The following VCAN variants were observed in gnomAD, a reference collection of about 807,000 sequenced individuals.
The protein encoded by VCAN is versican.
In VCAN, 44 loss-of-function variants were observed where a neutral mutation model predicts 245.5. The ratio of observed to expected loss-of-function variants is 0.18; its 90% CI spans 0.14 to 0.23. The LOEUF (loss-of-function observed/expected upper bound fraction) is 0.23, where lower values mean the gene tolerates loss of function less well. VCAN is among the 10% of genes least tolerant of loss of function. The pLI, the probability that VCAN is intolerant of heterozygous loss-of-function variation, is 1.00. For missense variants in VCAN, 3,793 were observed against 4,057.9 expected (o/e 0.93, Z 1.77); for synonymous variants, 1,413 against 1,437.0 (o/e 0.98, Z 0.38).
chr5:83,511,458 C>T (rs1405106482), intron 5 of VCAN, among the ~76,000 whole-genome samples: 6 of 152,064 alleles, frequency 3.9e-5, no homozygotes, highest in East Asian at 1.9e-4. Context: ...CTGTGCAGGC[C>T]GCGACCTTCG....
Position 83,476,683 on chromosome 5 carries a change from T to G in VCAN, c.-7+4660T>G, listed in dbSNP as rs577825134. Among the ~76,000 whole-genome samples the G allele has an allele frequency of 5.3e-4, 81 of 151,754 alleles. 1 individual carries two copies. In the South Asian group the frequency reaches 6.2e-3, roughly 12 times the overall value. On this transcript the variant is annotated intron_variant, in intron 1 of 14. Transcript: ENST00000265077. Reference sequence around the variant, plus strand: ...CATATATATAAAGTCTGTGTGTGTGTGGGGGGTGCGTGTGTGTGTGTATGT... The same window carrying G: ...CATATATATAAAGTCTGTGTGTGTGGGGGGGGTGCGTGTGTGTGTGTATGT...
At chr5:83,485,710 G>T (rs373799027) in intron 2 of VCAN, among the ~76,000 whole-genome samples, 13 of 152,230 alleles carry the variant, frequency 8.5e-5, no homozygotes, top group Middle Eastern at 6.8e-3. Context: ...GATGGGGTGT[G>T]TAGTGAGGAC....
At position 83,553,542 on chromosome 5, in the gene VCAN, G is replaced by A. The variant is rs77559437; in HGVS notation, c.9652+20G>A. On this transcript the variant is annotated intron_variant, in intron 11 of 14. Transcript: ENST00000265077. ...TTAATCGTATGTACCAAATAGATAC[G>A]AGTTTCCAGGAACTTCACTTCTCAT... 7 of 1,613,624 alleles carry A rather than the reference G, an allele frequency of 4.3e-6. No individual in the cohort carries two copies. The highest frequency in any genetic ancestry group is 4.5e-5 in the East Asian group (2 of 44,814).
At chr5:83,512,634 C>G (rs1745704492) in intron 6 of VCAN, 1 of 534,888 alleles carries the variant, frequency 1.9e-6, no homozygotes, top group Non-Finnish European at 3.3e-6. Flanking sequence ...TAAGCTGTAA[C>G]TGTGCTCTGT....
At chr5:83,485,461 G>A (rs1029131215) in intron 2 of VCAN, among the ~76,000 whole-genome samples, 1 of 152,032 alleles carries the variant, frequency 6.6e-6, no homozygotes, top group South Asian at 2.1e-4. Context: ...AGTATTGAAG[G>A]GTTTCAGCAA....
intron 13 of VCAN, among the ~76,000 whole-genome samples, chr5:83,574,773 A>G (rs1748413029): frequency 6.6e-6 from 1 of 152,180 alleles, no homozygotes; most frequent in Non-Finnish European, 1.5e-5. Context: ...TGCCATCCTT[A>G]TATCTGTAGT....
intron 12 of VCAN, among the ~76,000 whole-genome samples, chr5:83,562,837 C>G (rs1376849092): frequency 7.0e-6 from 1 of 142,868 alleles, no homozygotes; most frequent in Non-Finnish European, 1.6e-5. Flanking sequence ...GGCCCCCTCT[C>G]TCACAGTGGT....
chr5:83,535,424 AAGGGATAAATGTATATGTCTTTGCAT>A (rs1158542444), intron 7 of VCAN, among the ~76,000 whole-genome samples: 5 of 152,252 alleles, frequency 3.3e-5, no homozygotes, highest in Admixed American at 6.5e-5. Flanking sequence ...ATTAGAATAA[AAGGGATAAATGTATATGTCTTTGCAT>A]TACATAAAAG....
intron 7 of VCAN, among the ~76,000 whole-genome samples, chr5:83,529,873 T>TA (rs1229197810): frequency 3.9e-5 from 6 of 152,156 alleles, no homozygotes; most frequent in Admixed American, 1.3e-4. Context: ...CTGTGGGCTT[T>TA]AAAAATTATT....
chr5:83,564,825 G>A (rs1474404971), intron 12 of VCAN, among the ~76,000 whole-genome samples: 1 of 151,974 alleles, frequency 6.6e-6, no homozygotes, highest in Non-Finnish European at 1.5e-5. Flanking sequence ...TTAAAATAAT[G>A]TATTGTGAAT....
In VCAN at chr5:83,522,100, A is replaced by G. The variant is rs1410194024; in HGVS notation, c.3794A>G (p.Asp1265Gly). 5 of 1,614,064 alleles carry G rather than the reference A, an allele frequency of 3.1e-6. No individual in the cohort carries two copies. In the African/African-American group the frequency reaches 4.0e-5, roughly 13 times the overall value. Reference sequence around the variant, plus strand: ...CATGTTCCTCCCACTACCCTTGAAGATATTGTAGCCAAGGAAACAGAAACC... The same window carrying G: ...CATGTTCCTCCCACTACCCTTGAAGGTATTGTAGCCAAGGAAACAGAAACC... ...TSHVPPTTLE[D>G]IVAKETETDI... The change falls in exon 7 of 15, where the codon GAT becomes GGT. Residue 1265 changes from aspartate to glycine, a missense_variant. Physicochemically the swap from Asp to Gly is moderately conservative, Grantham distance 94. Transcript: ENST00000265077.
At chr5:83,579,332 C>T (rs573483009) in intron 13 of VCAN, among the ~76,000 whole-genome samples, 10 of 152,216 alleles carry the variant, frequency 6.6e-5, no homozygotes, top group African/African-American at 1.2e-4. Flanking sequence ...GGTGCAATCT[C>T]GGCTCACTGC....
At chr5:83,500,360 G>A (rs1488153574) in intron 5 of VCAN, among the ~76,000 whole-genome samples, 1 of 152,134 alleles carries the variant, frequency 6.6e-6, no homozygotes, top group African/African-American at 2.4e-5. Flanking sequence ...TTGCTTCTGT[G>A]TACAGTGTTT....
Position 83,539,494 on chromosome 5 carries a change from A to T in VCAN, c.6491A>T (p.Tyr2164Phe), listed in dbSNP as rs766665367. Residue 2164 changes from tyrosine to phenylalanine, a missense_variant, in exon 8 of 15, where the codon TAC (tyrosine) becomes TTC (phenylalanine). Coordinates refer to ENST00000265077, the MANE Select transcript of VCAN (RefSeq NM_004385.5). ...DYSVLTTKKT[Y>F]SDDKEMKEED... Reference sequence around the variant, plus strand: ...TCTGTACTAACAACAAAGAAAACTTACAGTGATGATAAAGAAATGAAGGAG... The same window carrying T: ...TCTGTACTAACAACAAAGAAAACTTTCAGTGATGATAAAGAAATGAAGGAG... 1 of 1,613,930 alleles carries T rather than the reference A, an allele frequency of 6.2e-7. No individual in the cohort carries two copies. The highest frequency in any genetic ancestry group is 2.2e-5 in the East Asian group (1 of 44,832).
chr5:83,550,230 A>C (rs536158844), intron 10 of VCAN, among the ~76,000 whole-genome samples: 74 of 152,204 alleles, frequency 4.9e-4, no homozygotes, highest in African/African-American at 1.7e-3. Flanking sequence ...CAAAAGAATA[A>C]ATTTTTGGTG....
chr5:83,551,069 A>G (rs1747447498), intron 10 of VCAN, among the ~76,000 whole-genome samples: 7 of 151,782 alleles, frequency 4.6e-5, no homozygotes, highest in Admixed American at 4.6e-4. Flanking sequence ...CCCCGCCTCT[A>G]TTTTTTGGAC....
intron 7 of VCAN, among the ~76,000 whole-genome samples, chr5:83,528,243 G>A (rs1392765831): frequency 6.6e-6 from 1 of 152,146 alleles, no homozygotes; most frequent in East Asian, 1.9e-4. Context: ...AAGGCAGGAA[G>A]TTACAGAATA....
At chr5:83,487,078 T>A (rs1402145643) in intron 2 of VCAN, among the ~76,000 whole-genome samples, 1 of 152,222 alleles carries the variant, frequency 6.6e-6, no homozygotes, top group Non-Finnish European at 1.5e-5. Context: ...TCTTACAAAC[T>A]GTCCTAATCG....
At chr5:83,579,022 G>A (rs1580085382) in intron 13 of VCAN, among the ~76,000 whole-genome samples, 1 of 151,938 alleles carries the variant, frequency 6.6e-6, no homozygotes, top group Non-Finnish European at 1.5e-5. Flanking sequence ...AGAATTCCAA[G>A]CTTTACCCTC....
Sources: allele counts gnomAD v4.1 joint callset (sites outside exome capture counted in the v4.1 genomes callset), GRCh38; gene constraint gnomAD v4.1.1; transcripts MANE v1.5; gene names NCBI Gene and HGNC (gene_info 2026-07-23, HGNC 2026-07-21).